Variants in ZNF233 observed in about 807,000 individuals in gnomAD.
ZNF233 encodes the protein zinc finger protein 233.
In ZNF233, 7 loss-of-function variants were observed where a neutral mutation model predicts 11.6. The ratio of observed to expected loss-of-function variants is 0.60; its 90% CI spans 0.34 to 1.13. ZNF233 has a LOEUF of 1.13. Ranked by LOEUF, ZNF233 falls within the 50% of genes most tolerant of loss-of-function variation. ZNF233 has a pLI of 0.03. For synonymous variants in ZNF233, 226 were observed against 268.5 expected (o/e 0.84, Z 1.55); for missense variants, 711 against 785.5 (o/e 0.91, Z 1.13).
chr19:44,274,690 AAT>A lies in ZNF233; in HGVS notation c.*18_*19del. 1 of 1,558,482 alleles carries A rather than the reference AAT, an allele frequency of 6.4e-7. No individual in the cohort carries two copies. The highest frequency in any genetic ancestry group is 8.7e-7 in the Non-Finnish European group (1 of 1,147,886). ...AGTCCATGATGGTGATGAATCTATT[AAT>A]CATGATGAGTGTGATAGGGGTGCTC... On this transcript the variant is annotated 3_prime_UTR_variant, in exon 5 of 5. Transcript: ENST00000683810.
At chr19:44,263,757 C>A (rs1974995073) in intron 1 of ZNF233, among the ~76,000 whole-genome samples, 1 of 152,128 alleles carries the variant, frequency 6.6e-6, no homozygotes, top group African/African-American at 2.4e-5. Context: ...TCTTTGAAAT[C>A]TGGATGTTAT....
Position 44,273,803 on chromosome 19 carries a change from T to C in ZNF233, c.1143T>C (p.His381=), listed in dbSNP as rs148901037. 104 of 1,613,798 alleles carry C rather than the reference T, an allele frequency of 6.4e-5. No individual in the cohort carries two copies. Among genetic ancestry groups the C allele is most frequent in the Non-Finnish European group, 8.3e-5 (98 of 1,179,934 alleles). The change falls in exon 5 of 5, where the codon CAT becomes CAC. Residue 381 remains histidine (H), a synonymous_variant. Coordinates refer to ENST00000683810, the MANE Select transcript of ZNF233 (RefSeq NM_001207005.2). The part of the protein sequence containing the change: ...TCGRCGKGFH[H]SLDFDIHCVD... ...GCAGGTGTGGGAAGGGCTTCCATCA[T>C]AGCTTAGATTTTGACATTCACTGTG... is the stretch of plus-strand genomic sequence containing the variant.
At chr19:44,263,043 T>C (rs1459360414) in intron 1 of ZNF233, among the ~76,000 whole-genome samples, 3 of 152,158 alleles carry the variant, frequency 2.0e-5, no homozygotes, top group East Asian at 1.9e-4. Flanking sequence ...TTAATCTCAG[T>C]AATCCTCAGC....
intron 4 of ZNF233, among the ~76,000 whole-genome samples, chr19:44,271,349 A>G (rs1428984969): frequency 6.6e-6 from 1 of 152,170 alleles, no homozygotes; most frequent in Non-Finnish European, 1.5e-5. Context: ...GCATCACTAA[A>G]TAATCCACTT....
In ZNF233 at chr19:44,274,186, A is replaced by G; in HGVS notation, c.1526A>G (p.Lys509Arg). The G allele has an allele frequency of 2.5e-6, 4 of 1,613,966 alleles. No homozygotes were observed. The highest frequency in any genetic ancestry group is 2.5e-6 in the Non-Finnish European group (3 of 1,179,984). ...GTCCATACAGGAGAGAAACCCTACA[A>G]ATGTGACACATGTGGGAAGGACTTC... is the stretch of plus-strand genomic sequence containing the variant. ...QRVHTGEKPYKCDTCGKDFSQ... is the reference protein window; with the variant it reads ...QRVHTGEKPYRCDTCGKDFSQ... The change falls in exon 5 of 5, where the codon AAA (lysine) becomes AGA (arginine). Residue 509 changes from lysine (K) to arginine (R), a missense_variant. Transcript: ENST00000683810.
chr19:44,266,750 C>T (rs1975095044), intron 3 of ZNF233, 116 bp from the exon 4 acceptor site: 1 of 662,340 alleles, frequency 1.5e-6, no homozygotes, highest in Non-Finnish European at 2.6e-6. Flanking sequence ...CAGACAATAG[C>T]TCATGATCAC....
Position 44,273,100 on chromosome 19 carries a change from A to C in ZNF233, c.440A>C (p.Glu147Ala). 1 of 1,614,098 alleles carries C rather than the reference A, an allele frequency of 6.2e-7. No homozygotes were observed. Among genetic ancestry groups the C allele is most frequent in the Non-Finnish European group, 8.5e-7 (1 of 1,180,016 alleles). ...TCCCCCTGTCAGGTGTGGACAGGAG[A>C]ATCTAGTCAGGTCTCTGAAGATGAG... ...GDSPCQVWTG[E>A]SSQVSEDENY... Residue 147 changes from glutamate (E) to alanine (A), a missense_variant, in exon 5 of 5, where the codon GAA becomes GCA. By Grantham distance (107) the Glu-to-Ala change is moderately radical. Transcript: ENST00000683810.
intron 1 of ZNF233, among the ~76,000 whole-genome samples, chr19:44,261,694 C>A: frequency 6.8e-6 from 1 of 148,052 alleles, no homozygotes. Flanking sequence ...CTCTGTCTCC[C>A]AGGCTGGAGT....
At position 44,272,510 on chromosome 19, in the gene ZNF233, G is replaced by A. The variant is rs573594910; in HGVS notation, c.239-389G>A. Among the ~76,000 whole-genome samples the A allele has an allele frequency of 1.2e-3, 179 of 152,024 alleles. 1 individual carries two copies. The highest frequency in any genetic ancestry group is 4.0e-3 in the African/African-American group (165 of 41,468). On this transcript the variant is annotated intron_variant, in intron 4 of 4. Coordinates refer to ENST00000683810, the MANE Select transcript of ZNF233 (RefSeq NM_001207005.2). Reference sequence around the variant, plus strand: ...AGCACTTTGGGAGGCCGAGGCGGGCGGTTCACGAGGTCAGGAGATCGAGAC... The same window carrying A: ...AGCACTTTGGGAGGCCGAGGCGGGCAGTTCACGAGGTCAGGAGATCGAGAC...
In ZNF233 at chr19:44,266,951, T is replaced by C; in HGVS notation, c.228T>C (p.Asp76=). The C allele has an allele frequency of 6.2e-7, 1 of 1,613,594 alleles. No individual in the cohort carries two copies. The highest frequency in any genetic ancestry group is 8.5e-7 in the Non-Finnish European group (1 of 1,179,634). The change falls in exon 4 of 5, where the codon GAT becomes GAC. Residue 76 remains aspartate (D), a synonymous_variant. Transcript: ENST00000683810. ...LRMMETEIQG[D]GCSGHKNQNE... ...TGATGGAGACAGAAATCCAAGGAGATGGGTGTTCAGGTGAGAACCATGGAG... is the reference window on the plus strand; with the variant it reads ...TGATGGAGACAGAAATCCAAGGAGACGGGTGTTCAGGTGAGAACCATGGAG...
rs1156392535 is a variant in ZNF233 at position 44,265,362 on chromosome 19, TATATACACACACACACAC to T, written c.16-834_16-817del. On this transcript the variant is annotated intron_variant, in intron 2 of 4. Transcript: ENST00000683810. ...TGGCTGAGTAGTATTCCATCATATA[TATATACACACACACACAC>T]ACACACACACACACACACACACACA... Among the ~76,000 whole-genome samples, 15 of 87,648 alleles carry T rather than the reference TATATACACACACACACAC, an allele frequency of 1.7e-4. 1 individual carries two copies. In the East Asian group the frequency reaches 1.9e-3, roughly 11 times the overall value. 57.5% of individuals were successfully genotyped at this position (87,648 alleles called of 152,430 possible).
At position 44,264,698 on chromosome 19, in the gene ZNF233, T is replaced by C. The variant is rs149055433; in HGVS notation, c.15+323T>C. On this transcript the variant is annotated intron_variant, in intron 2 of 4. Transcript: ENST00000683810. Reference sequence around the variant, plus strand: ...ATTTTATATGTATTTACATATTGTATGTCTTATATCTATACTTGTCAGTGT... The same window carrying C: ...ATTTTATATGTATTTACATATTGTACGTCTTATATCTATACTTGTCAGTGT... Among the ~76,000 whole-genome samples the C allele has an allele frequency of 8.1e-4, 123 of 152,374 alleles. 1 individual carries two copies. The highest frequency in any genetic ancestry group is 2.8e-3 in the African/African-American group (117 of 41,594).
At chr19:44,269,140 T>C (rs906741482) in intron 4 of ZNF233, among the ~76,000 whole-genome samples, 2 of 152,148 alleles carry the variant, frequency 1.3e-5, no homozygotes, top group African/African-American at 2.4e-5. Flanking sequence ...TTTTTAAAAA[T>C]TTTCTTTTTT....
At chr19:44,261,800 C>T (rs1002326042) in intron 1 of ZNF233, among the ~76,000 whole-genome samples, 4 of 151,648 alleles carry the variant, frequency 2.6e-5, no homozygotes, top group Admixed American at 1.3e-4. Flanking sequence ...TACAGATGCC[C>T]GCCACCATGC....
chr19:44,272,852 G>T, intron 4 of ZNF233, 47 bp from the exon 5 acceptor site: 1 of 1,323,048 alleles, frequency 7.6e-7, no homozygotes, highest in Non-Finnish European at 1.0e-6. Flanking sequence ...CTGAACAAAT[G>T]TTCAGTTGTC....
intron 4 of ZNF233, among the ~76,000 whole-genome samples, chr19:44,269,200 TG>T (rs1296736893): frequency 6.6e-6 from 1 of 152,144 alleles, no homozygotes; most frequent in Non-Finnish European, 1.5e-5. Context: ...TTGGGAATTA[TG>T]ATCCCAGTTA....
In ZNF233 at chr19:44,259,956, C is replaced by G; in HGVS notation, c.-48+18C>G. The G allele has an allele frequency of 4.4e-6, 2 of 455,130 alleles. No individual in the cohort carries two copies. The highest frequency in any genetic ancestry group is 8.8e-6 in the Non-Finnish European group (2 of 226,186). The allele number at this position is 455,130 out of a possible 1,614,324, so 28.2% of individuals were successfully genotyped here. ...TCTGGGAGGTGAGTCAGCGCGGAAC[C>G]TCTGCATCTACGGCGAGCTTTCCTG... is the stretch of plus-strand genomic sequence containing the variant. On this transcript the variant is annotated intron_variant, in intron 1 of 4. Transcript: ENST00000683810.
chr19:44,271,643 G>A (rs1975238772), intron 4 of ZNF233, among the ~76,000 whole-genome samples: 1 of 151,808 alleles, frequency 6.6e-6, no homozygotes, highest in South Asian at 2.1e-4. Flanking sequence ...CCGAGTAGCC[G>A]GGACTACAGG....
In ZNF233 at chr19:44,264,351, G is replaced by C; in HGVS notation, c.-10G>C. 1 of 1,613,452 alleles carries C rather than the reference G, an allele frequency of 6.2e-7. No individual in the cohort carries two copies. Among genetic ancestry groups the C allele is most frequent in the Non-Finnish European group, 8.5e-7 (1 of 1,179,780 alleles). On this transcript the variant is annotated 5_prime_UTR_variant, in exon 2 of 5. Transcript: ENST00000683810. The stretch of plus-strand genomic sequence containing the variant: ...AGGACCCTGCCCTTCCCCAGAAGGA[G>C]CAGGAGAAAATGACCAAGTTTCAGG...
Sources: gnomAD v4.1 joint callset for allele counts (sites outside exome capture counted in the v4.1 genomes callset) on GRCh38, gnomAD v4.1.1 for gene constraint, MANE v1.5 for transcripts, NCBI Gene and HGNC (gene_info 2026-07-23, HGNC 2026-07-21) for gene names.